Variants in EHBP1 observed in about 807,000 individuals in gnomAD.
EHBP1 encodes the protein EH domain-binding protein 1.
In EHBP1, 55 loss-of-function variants were observed where a neutral mutation model predicts 144.0. The ratio of observed to expected loss-of-function variants is 0.38; its 90% confidence interval spans 0.31 to 0.48. The LOEUF (loss-of-function observed/expected upper bound fraction) is 0.48. Ranked by LOEUF, EHBP1 falls within the 20% of genes least tolerant of loss-of-function variation. The probability of loss-of-function intolerance (pLI) is 0.98; values close to 1 mark genes in which losing one functional copy is unlikely to be tolerated. For missense variants in EHBP1, 1,200 were observed against 1,364.2 expected (o/e 0.88, Z 1.90); for synonymous variants, 469 against 472.7 (o/e 0.99, Z 0.10).
intron 4 of EHBP1, among the ~76,000 whole-genome samples, chr2:62,767,009 C>G (rs2041244262): frequency 6.6e-6 from 1 of 150,442 alleles, no homozygotes; most frequent in African/African-American, 2.4e-5. Context: ...GATCCATTAC[C>G]CTTTCTCAGG....
chr2:62,675,890 C>A (rs1196894619), intron 1 of EHBP1, among the ~76,000 whole-genome samples: 2 of 152,140 alleles, frequency 1.3e-5, no homozygotes, highest in African/African-American at 2.4e-5. Flanking sequence ...GTATCTGGAA[C>A]CACAGGTGCG....
intron 13 of EHBP1, among the ~76,000 whole-genome samples, chr2:62,949,730 G>GTTTTTGAGACACT (rs2057278755): frequency 6.6e-6 from 1 of 151,974 alleles, no homozygotes; most frequent in Admixed American, 6.6e-5. Flanking sequence ...CATTACTTGT[G>GTTTTTGAGACACT]GTTAAAAATC....
chr2:62,995,220 G>T (rs2059582068), intron 18 of EHBP1, among the ~76,000 whole-genome samples: 2 of 151,768 alleles, frequency 1.3e-5, no homozygotes, highest in Non-Finnish European at 1.5e-5. Context: ...GTATTGAGAT[G>T]GAAGAATATC....
At chr2:62,691,865 A>G (rs889636949) in intron 1 of EHBP1, among the ~76,000 whole-genome samples, 24 of 152,166 alleles carry the variant, frequency 1.6e-4, no homozygotes, top group Non-Finnish European at 2.8e-4. Flanking sequence ...ATGTGGCTGC[A>G]GTGGTTTCTT....
chr2:62,707,694 A>G (rs973512943), intron 2 of EHBP1, among the ~76,000 whole-genome samples: 1 of 152,228 alleles, frequency 6.6e-6, no homozygotes, highest in Non-Finnish European at 1.5e-5. Context: ...GAGTTTTAAT[A>G]TAGAAGTCTA....
At chr2:62,888,376 A>G (rs1454277344) in intron 10 of EHBP1, among the ~76,000 whole-genome samples, 1 of 152,218 alleles carries the variant, frequency 6.6e-6, no homozygotes, top group Non-Finnish European at 1.5e-5. Flanking sequence ...AAAGATAAAA[A>G]TGCTAAATTT....
chr2:62,967,778 C>A (rs1393448692), intron 14 of EHBP1, among the ~76,000 whole-genome samples: 1 of 152,074 alleles, frequency 6.6e-6, no homozygotes, highest in Non-Finnish European at 1.5e-5. Flanking sequence ...ATAGAACTTT[C>A]CTGAATCTCT....
At chr2:62,920,114 T>G (rs1208509655) in intron 10 of EHBP1, among the ~76,000 whole-genome samples, 1 of 152,160 alleles carries the variant, frequency 6.6e-6, no homozygotes, top group Non-Finnish European at 1.5e-5. Context: ...AAGACATGAA[T>G]GTAAACATCT....
intron 10 of EHBP1, among the ~76,000 whole-genome samples, chr2:62,874,963 G>A (rs1214000654): frequency 6.6e-6 from 1 of 151,978 alleles, no homozygotes; most frequent in East Asian, 1.9e-4. Flanking sequence ...CAGACCTCAT[G>A]ACTACCACCC....
intron 15 of EHBP1, among the ~76,000 whole-genome samples, chr2:62,982,163 C>CT (rs2059001059): frequency 6.6e-6 from 1 of 152,142 alleles, no homozygotes; most frequent in Non-Finnish European, 1.5e-5. Context: ...GGTAAAATTC[C>CT]TCTTGAAATT....
Position 62,918,120 on chromosome 2 carries a change from C to T in EHBP1, c.1186-24598C>T, listed in dbSNP as rs951106511. Among the ~76,000 whole-genome samples, 6 of 152,246 alleles carry T rather than the reference C, an allele frequency of 3.9e-5. No individual in the cohort carries two copies. In the East Asian group the frequency reaches 1.2e-3, roughly 29 times the overall value. ...CCATGTTGGCCAGACTGGTCTCAAG[C>T]TCCTGACCTCAAGTGATCCACCCGC... is the stretch of plus-strand genomic sequence containing the variant. On this transcript the variant is annotated intron_variant, in intron 10 of 22. Coordinates refer to ENST00000431489, the MANE Select transcript of EHBP1 (RefSeq NM_001142616.3).
At chr2:62,761,644 A>G (rs2040778347) in intron 3 of EHBP1, among the ~76,000 whole-genome samples, 1 of 152,056 alleles carries the variant, frequency 6.6e-6, no homozygotes, top group Non-Finnish European at 1.5e-5. Context: ...GCACTCATAT[A>G]CTGTAACTTC....
intron 1 of EHBP1, among the ~76,000 whole-genome samples, chr2:62,685,845 C>T (rs1432723522): frequency 6.6e-6 from 1 of 152,076 alleles, no homozygotes; most frequent in African/African-American, 2.4e-5. Context: ...AGATCATCAT[C>T]CTGATTACTA....
intron 10 of EHBP1, among the ~76,000 whole-genome samples, chr2:62,893,762 G>T (rs2052646643): frequency 6.6e-6 from 1 of 152,078 alleles, no homozygotes; most frequent in African/African-American, 2.4e-5. Context: ...GATGTATTAA[G>T]GCTGGGCATG....
chr2:62,805,736 C>T lies in EHBP1; in HGVS notation c.313-20351C>T, dbSNP rs187898478. ...TTCACCGTGTTGGCCAGGCTGGTCT[C>T]AAGCTCCTGACCTCAAACAGTCTGC... On this transcript the variant is annotated intron_variant, in intron 5 of 22. Transcript: ENST00000431489. Among the ~76,000 whole-genome samples the T allele has an allele frequency of 2.0e-5, 3 of 152,214 alleles. No homozygotes were observed. The East Asian group carries it at 5.8e-4, about 29-fold the overall frequency.
Position 63,045,395 on chromosome 2 carries a change from TTGTC to T in EHBP1, c.3393-12_3393-9del. 4 of 1,612,202 alleles carry T rather than the reference TTGTC, an allele frequency of 2.5e-6. No individual in the cohort carries two copies. Among genetic ancestry groups the T allele is most frequent in the Non-Finnish European group, 2.5e-6 (3 of 1,178,228 alleles). On this transcript the variant is annotated splice_polypyrimidine_tract_variant and intron_variant, in intron 22 of 22. Transcript: ENST00000431489. This position sits in a 1 kb window ranked among gnomAD's most constrained non-coding sequence, Gnocchi z 5.7. ...TAATTTTGTTTCCTGTTTGTCCTGT[TTGTC>T]TGACATCCAGGGCCGAAGAAGAAGA...
intron 3 of EHBP1, among the ~76,000 whole-genome samples, chr2:62,748,764 A>G (rs2039391229): frequency 6.6e-6 from 1 of 152,184 alleles, no homozygotes; most frequent in African/African-American, 2.4e-5. Flanking sequence ...GTAGACCTGT[A>G]TAAAGAAAAC....
intron 19 of EHBP1, among the ~76,000 whole-genome samples, chr2:63,029,617 GAAGT>G (rs1437490171): frequency 1.3e-5 from 2 of 151,994 alleles, no homozygotes; most frequent in African/African-American, 2.4e-5. Flanking sequence ...CAACAATCGT[GAAGT>G]AAGTAATACC....
chr2:62,676,218 C>T (rs758299524), intron 1 of EHBP1, among the ~76,000 whole-genome samples: 3 of 152,076 alleles, frequency 2.0e-5, no homozygotes, highest in Non-Finnish European at 4.4e-5. Flanking sequence ...AGCATTACAC[C>T]GTAGTTAATC....
Sources: allele counts gnomAD v4.1 joint callset (sites outside exome capture counted in the v4.1 genomes callset), GRCh38; gene constraint gnomAD v4.1.1; non-coding constraint Gnocchi (gnomAD v3.1); transcripts MANE v1.5; gene names NCBI Gene and HGNC (gene_info 2026-07-23, HGNC 2026-07-21).